The following FBXO33 variants were observed in gnomAD, a reference collection of about 807,000 sequenced individuals.
FBXO33 encodes the protein F-box protein 33.
FBXO33 carries 22 observed loss-of-function variants against 46.3 expected under a neutral mutation model. The ratio of observed to expected loss-of-function variants is 0.48; its 90% CI spans 0.34 to 0.68. The LOEUF (loss-of-function observed/expected upper bound fraction) is 0.68, where lower values mean the gene tolerates loss of function less well. Among genes scored for constraint, FBXO33 ranks in the 30% least tolerant of loss-of-function variants. The probability of loss-of-function intolerance (pLI) is 0.01; values close to 1 mark genes in which losing one functional copy is unlikely to be tolerated. For missense variants in FBXO33, 692 were observed against 708.8 expected, an observed-to-expected ratio of 0.98 and a Z score of 0.27; for synonymous variants, 337 against 291.3, an observed-to-expected ratio of 1.16 and a Z score of -1.60.
chr14:39,400,135 T>G (rs947450880), intron 3 of FBXO33, among the ~76,000 whole-genome samples: 3 of 152,212 alleles, frequency 2.0e-5, no homozygotes, highest in Non-Finnish European at 4.4e-5. Context: ...AAGGATGAAA[T>G]TTTTAGTTCA....
At chr14:39,410,280 C>G (rs148322066) in intron 1 of FBXO33, among the ~76,000 whole-genome samples, 43 of 152,284 alleles carry the variant, frequency 2.8e-4, no homozygotes, top group Middle Eastern at 6.8e-3. Flanking sequence ...GCTTTTTCTG[C>G]ATCTATTGAC....
chr14:39,411,899 T>C (rs2075425049), intron 1 of FBXO33, among the ~76,000 whole-genome samples: 1 of 152,216 alleles, frequency 6.6e-6, no homozygotes, highest in African/African-American at 2.4e-5. Context: ...TTTCCAGTTT[T>C]ATATTATTGT....
chr14:39,430,843 T>G (rs1486209788), intron 1 of FBXO33, among the ~76,000 whole-genome samples: 1 of 152,162 alleles, frequency 6.6e-6, no homozygotes, highest in Non-Finnish European at 1.5e-5. Context: ...GAAGTCCTGA[T>G]GCAAAACCAG....
At chr14:39,417,288 T>A in intron 1 of FBXO33, among the ~76,000 whole-genome samples, 1 of 152,200 alleles carries the variant, frequency 6.6e-6, no homozygotes, top group East Asian at 1.9e-4. Flanking sequence ...TTGGCAGGGG[T>A]GCACTGAAAT....
intron 1 of FBXO33, among the ~76,000 whole-genome samples, chr14:39,402,775 C>T (rs769304612): frequency 9.3e-5 from 14 of 151,102 alleles, no homozygotes; most frequent in East Asian, 1.9e-4. Context: ...CTCCGCCTCC[C>T]GGGTTCACAC....
chr14:39,427,789 A>T (rs1042892402), intron 1 of FBXO33, among the ~76,000 whole-genome samples: 6 of 151,972 alleles, frequency 3.9e-5, no homozygotes, highest in African/African-American at 4.8e-5. Flanking sequence ...AAATTAAAAA[A>T]ATATATATAT....
intron 3 of FBXO33, among the ~76,000 whole-genome samples, chr14:39,400,749 T>TA (rs1266643560): frequency 6.6e-6 from 1 of 152,176 alleles, no homozygotes; most frequent in Non-Finnish European, 1.5e-5. Flanking sequence ...GAACCATCGT[T>TA]AAAAAAATTA....
intron 1 of FBXO33, among the ~76,000 whole-genome samples, chr14:39,409,477 C>G (rs1343972305): frequency 6.6e-6 from 1 of 152,170 alleles, no homozygotes; most frequent in East Asian, 1.9e-4. Context: ...GTTTTGATTA[C>G]TGCAGCTTTG....
rs1405878197 is a variant in FBXO33 at position 39,401,194 on chromosome 14, A to C, written c.1378T>G (p.Ser460Ala). Residue 460 changes from serine to alanine, a missense_variant, in exon 3 of 4, where the codon TCT becomes GCT. By Grantham distance (99) the Ser-to-Ala change is moderately conservative. This residue lies in a region of FBXO33 where 186 missense variants were observed against 246.1 expected (regional missense o/e 0.76). Coordinates refer to ENST00000298097, the MANE Select transcript of FBXO33 (RefSeq NM_203301.4). ...CACCTACCATGAATTGCCAGAAGAG[A>C]GAGCTTTGTGCACCTCCATGCTAAT... Reference protein sequence around the residue: ...VLLAWRCTKLSLLAIHGYTVW... With the variant: ...VLLAWRCTKLALLAIHGYTVW... The C allele has an allele frequency of 6.3e-7, 1 of 1,589,650 alleles. No individual in the cohort carries two copies. Among genetic ancestry groups the C allele is most frequent in the Non-Finnish European group, 8.5e-7 (1 of 1,170,226 alleles).
At chr14:39,410,545 G>A (rs2075417729) in intron 1 of FBXO33, among the ~76,000 whole-genome samples, 1 of 152,190 alleles carries the variant, frequency 6.6e-6, no homozygotes, top group Admixed American at 6.5e-5. Flanking sequence ...CATAAAATGA[G>A]TTTAGAAGCG....
chr14:39,431,080 A>G (rs2075544410), intron 1 of FBXO33, among the ~76,000 whole-genome samples: 1 of 152,194 alleles, frequency 6.6e-6, no homozygotes, highest in Non-Finnish European at 1.5e-5. Context: ...ATTTCTGGTA[A>G]GAAAATGGCT....
intron 1 of FBXO33, among the ~76,000 whole-genome samples, chr14:39,420,719 T>C (rs1291849241): frequency 1.3e-5 from 2 of 151,678 alleles, no homozygotes; most frequent in Non-Finnish European, 2.9e-5. Flanking sequence ...GCAGCAAATG[T>C]GGTAAAATCT....
At chr14:39,402,828 G>A (rs1350639225) in intron 1 of FBXO33, among the ~76,000 whole-genome samples, 5 of 151,922 alleles carry the variant, frequency 3.3e-5, no homozygotes, top group Admixed American at 6.6e-5. Flanking sequence ...GACTACAGGC[G>A]CCCGCCACCA....
intron 1 of FBXO33, among the ~76,000 whole-genome samples, chr14:39,404,349 T>C (rs1162593981): frequency 1.3e-5 from 2 of 152,048 alleles, no homozygotes; most frequent in African/African-American, 4.8e-5. Flanking sequence ...TTGTTTGAGA[T>C]GGAGTCTCGC....
At chr14:39,420,770 A>C (rs1371782114) in intron 1 of FBXO33, among the ~76,000 whole-genome samples, 4 of 152,208 alleles carry the variant, frequency 2.6e-5, no homozygotes, top group Admixed American at 2.6e-4. Context: ...GATGGTATTA[A>C]TGGGGGTTCA....
At chr14:39,413,389 T>A (rs1291234540) in intron 1 of FBXO33, among the ~76,000 whole-genome samples, 1 of 152,210 alleles carries the variant, frequency 6.6e-6, no homozygotes. Context: ...TTTCACCACA[T>A]CTACAGTGAC....
In FBXO33 at chr14:39,401,565, C is replaced by T. The variant is rs1191859058; in HGVS notation, c.1007G>A (p.Arg336Gln). The T allele has an allele frequency of 3.7e-6, 6 of 1,614,126 alleles. No homozygotes were observed. Among genetic ancestry groups the T allele is most frequent in the African/African-American group, 1.3e-5 (1 of 75,038 alleles). ...AACATTGTGAACCAGAAGAGACAGT[C>T]GTTGCAAAGGCACATGGTTGCTATC... The part of the protein sequence containing the change: ...LTDSNHVPLQ[R>Q]LSLLVHNVSV... Residue 336 changes from arginine (R) to glutamine (Q), a missense_variant, in exon 3 of 4, where the codon CGA becomes CAA. Arg to Gln is a conservative substitution (Grantham distance 43). Around this residue, in one of 3 missense-constraint regions of FBXO33, gnomAD observed 186 missense variants for 246.1 expected, o/e 0.76. Coordinates refer to ENST00000298097, the MANE Select transcript of FBXO33 (RefSeq NM_203301.4).
At chr14:39,411,343 C>T (rs976494801) in intron 1 of FBXO33, among the ~76,000 whole-genome samples, 4 of 151,990 alleles carry the variant, frequency 2.6e-5, no homozygotes, top group African/African-American at 7.3e-5. Flanking sequence ...CTGTATGCCT[C>T]GGCCTCCCAA....
rs886931892 is a variant in FBXO33, at chr14:39,401,804, G to A, written c.768C>T (p.Ser256=). ...TTACTATTTCCAGCATAAACCCACA[G>A]GACAGCCATTTCAGTTGCCTACTAT... is the stretch of plus-strand genomic sequence containing the variant. The part of the protein sequence containing the change: ...LSNSRQLKWL[S]CGFMLEIVTP... Residue 256 remains serine, a synonymous_variant, in exon 3 of 4, where the codon TCC becomes TCT. Coordinates refer to ENST00000298097, the MANE Select transcript of FBXO33 (RefSeq NM_203301.4). 1.2e-6 allele frequency: 2 copies of A among 1,614,116 alleles called. No homozygotes were observed.
Sources: allele counts gnomAD v4.1 joint callset (sites outside exome capture counted in the v4.1 genomes callset), GRCh38; gene constraint gnomAD v4.1.1; regional missense constraint gnomAD v4.1.1; transcripts MANE v1.5; gene names NCBI Gene and HGNC (gene_info 2026-07-23, HGNC 2026-07-21).